The following LURAP1L variants were observed in gnomAD, a reference collection of about 807,000 sequenced individuals.
LURAP1L encodes the protein leucine rich adaptor protein 1-like.
Under a neutral mutation model 13.8 loss-of-function variants are expected in LURAP1L, and 12 were observed. The observed-to-expected ratio is 0.87, with a 90% confidence interval of 0.56 to 1.41. The LOEUF (loss-of-function observed/expected upper bound fraction) is 1.41, where lower values mean the gene tolerates loss of function less well. Among genes scored for constraint, LURAP1L ranks in the 40% most tolerant of loss-of-function variants. LURAP1L has a pLI of 0.00. For synonymous variants in LURAP1L, 139 were observed against 119.2 expected, an observed-to-expected ratio of 1.17 and a Z score of -1.08; for missense variants, 375 against 292.9, an observed-to-expected ratio of 1.28 and a Z score of -2.04.
At chr9:12,783,285 G>T (rs1819300652) in intron 1 of LURAP1L, among the ~76,000 whole-genome samples, 1 of 152,014 alleles carries the variant, frequency 6.6e-6, no homozygotes, top group African/African-American at 2.4e-5. Flanking sequence ...CTTATTTCCA[G>T]ACCTTAGAGG....
intron 1 of LURAP1L, among the ~76,000 whole-genome samples, chr9:12,804,658 C>G (rs866946239): frequency 6.6e-6 from 1 of 151,696 alleles, no homozygotes; most frequent in Non-Finnish European, 1.5e-5. Flanking sequence ...TTATTTGATT[C>G]TATCAAAAAA....
At chr9:12,786,942 C>T (rs1432366282) in intron 1 of LURAP1L, among the ~76,000 whole-genome samples, 1 of 151,968 alleles carries the variant, frequency 6.6e-6, no homozygotes, top group Admixed American at 6.6e-5. Flanking sequence ...TTGGCAGTTT[C>T]AGATTTTTCT....
intron 1 of LURAP1L, among the ~76,000 whole-genome samples, chr9:12,788,187 G>GAAAGAAAGAAAGAAAGAAAGAAAGAAAT (rs374048758): frequency 2.9e-5 from 4 of 136,704 alleles, no homozygotes; most frequent in Admixed American, 8.1e-5. Flanking sequence ...AAGAAAGAAA[G>GAAAGAAAGAAAGAAAGAAAGAAAGAAAT]AAAGAAAAGA....
Position 12,814,889 on chromosome 9 carries a change from T to C in LURAP1L, c.313-6497T>C, listed in dbSNP as rs189459724. ...AATGGAGGAAGACAAAGCTGACTGATGTGAAAGGGAATCCTCTGTTGCCCA... is the reference window on the plus strand; with the variant it reads ...AATGGAGGAAGACAAAGCTGACTGACGTGAAAGGGAATCCTCTGTTGCCCA... On this transcript the variant is annotated intron_variant, in intron 1 of 1. Transcript: ENST00000319264. Among the ~76,000 whole-genome samples, 413 of 152,262 alleles carry C rather than the reference T, an allele frequency of 2.7e-3. 2 individuals are homozygous for C. Among genetic ancestry groups the C allele is most frequent in the South Asian group, 4.6e-3 (22 of 4,826 alleles).
chr9:12,809,368 C>A (rs574320426), intron 1 of LURAP1L, among the ~76,000 whole-genome samples: 1 of 152,248 alleles, frequency 6.6e-6, no homozygotes, highest in South Asian at 2.1e-4. Flanking sequence ...GTGGACTCAT[C>A]TTTAAGCTCA....
intron 1 of LURAP1L, among the ~76,000 whole-genome samples, chr9:12,812,667 G>A (rs1310768866): frequency 6.6e-6 from 1 of 152,110 alleles, no homozygotes; most frequent in Non-Finnish European, 1.5e-5. Flanking sequence ...AGAAGATAAA[G>A]CATTTGAGTA....
Position 12,821,798 on chromosome 9 carries a change from T to C in LURAP1L, c.*38T>C. On this transcript the variant is annotated 3_prime_UTR_variant, in exon 2 of 2. Transcript: ENST00000319264. ...GCATGGGACTGGTGTGCAATGAACT[T>C]GTATTTATCCTTCTTCTCCGCTGCT... The C allele has an allele frequency of 6.4e-7, 1 of 1,572,086 alleles. No individual in the cohort carries two copies. The highest frequency in any genetic ancestry group is 8.6e-7 in the Non-Finnish European group (1 of 1,156,392).
chr9:12,814,350 G>C (rs1217893749), intron 1 of LURAP1L: 1 of 152,202 alleles, frequency 6.6e-6, no homozygotes, highest in African/African-American at 2.4e-5. Context: ...CTTCTCTGCT[G>C]TGAATATGGG....
intron 1 of LURAP1L, among the ~76,000 whole-genome samples, chr9:12,800,561 C>T (rs1209309359): frequency 6.6e-6 from 1 of 151,570 alleles, no homozygotes; most frequent in Non-Finnish European, 1.5e-5. Context: ...CATATTGAAT[C>T]AAAAAGAAAA....
chr9:12,779,266 CT>C (rs71329885), intron 1 of LURAP1L, among the ~76,000 whole-genome samples: 1,518 of 90,238 alleles, frequency 0.017, 2 homozygotes, highest in African/African-American at 0.019. Context: ...ATCTTATAAT[CT>C]TTTTTTTTTT....
chr9:12,805,600 C>T (rs1480039831), intron 1 of LURAP1L, among the ~76,000 whole-genome samples: 2 of 152,138 alleles, frequency 1.3e-5, no homozygotes, highest in Non-Finnish European at 2.9e-5. Context: ...TATGGAACAA[C>T]TAACCATATT....
intron 1 of LURAP1L, among the ~76,000 whole-genome samples, chr9:12,784,948 C>A (rs1054856408): frequency 1.6e-4 from 25 of 152,012 alleles, no homozygotes; most frequent in Middle Eastern, 3.4e-3. Context: ...CTTTTTTACT[C>A]TCCTCTCTTA....
intron 1 of LURAP1L, among the ~76,000 whole-genome samples, chr9:12,791,123 G>A (rs1044969360): frequency 2.6e-5 from 4 of 152,100 alleles, no homozygotes; most frequent in African/African-American, 9.7e-5. Flanking sequence ...AGCTTATAGT[G>A]AGCATCGTAT....
intron 1 of LURAP1L, among the ~76,000 whole-genome samples, chr9:12,811,811 G>C (rs1398834116): frequency 6.6e-6 from 1 of 152,146 alleles, no homozygotes; most frequent in Non-Finnish European, 1.5e-5. Flanking sequence ...TTCTATATTA[G>C]GGAGTCTGGG....
intron 1 of LURAP1L, among the ~76,000 whole-genome samples, chr9:12,807,042 A>AAAG (rs1379778260): frequency 2.3e-5 from 3 of 130,656 alleles, no homozygotes; most frequent in Non-Finnish European, 3.2e-5. Flanking sequence ...AAAAAAAAAA[A>AAAG]AAATGAGACT....
rs552670441 is a variant in LURAP1L at position 12,811,294 on chromosome 9, T to A, written c.313-10092T>A. On this transcript the variant is annotated intron_variant, in intron 1 of 1. Coordinates refer to ENST00000319264, the MANE Select transcript of LURAP1L (RefSeq NM_203403.2). ...TTTAAATTATATCTGAATGTTATTA[T>A]CTAAGTTTAGTCTATTATCTTATCA... Among the ~76,000 whole-genome samples the A allele has an allele frequency of 7.9e-5, 12 of 152,364 alleles. No individual in the cohort carries two copies. In the South Asian group the frequency reaches 2.1e-3, roughly 26 times the overall value.
chr9:12,793,791 G>A (rs897618226), intron 1 of LURAP1L, among the ~76,000 whole-genome samples: 2 of 151,856 alleles, frequency 1.3e-5, no homozygotes, highest in South Asian at 2.1e-4. Flanking sequence ...TACCAAAGAC[G>A]GAAAACCACC....
intron 1 of LURAP1L, among the ~76,000 whole-genome samples, chr9:12,784,376 G>C (rs188826319): frequency 8.5e-5 from 13 of 152,244 alleles, no homozygotes; most frequent in Non-Finnish European, 1.9e-4. Flanking sequence ...AAAATTGAGT[G>C]TTCAGATCTA....
chr9:12,812,069 A>G (rs1412841498), intron 1 of LURAP1L, among the ~76,000 whole-genome samples: 1 of 152,202 alleles, frequency 6.6e-6, no homozygotes, highest in Non-Finnish European at 1.5e-5. Flanking sequence ...CAGAGCAAGC[A>G]TTTGAGAGAG....
Sources: allele counts gnomAD v4.1 joint callset (sites outside exome capture counted in the v4.1 genomes callset), GRCh38; gene constraint gnomAD v4.1.1; transcripts MANE v1.5; gene names NCBI Gene and HGNC (gene_info 2026-07-23, HGNC 2026-07-21).